The following AOPEP variants were observed in gnomAD, a reference collection of about 807,000 sequenced individuals.
The protein encoded by AOPEP is aminopeptidase O.
AOPEP carries 77 observed loss-of-function variants against 98.1 expected under a neutral mutation model. The ratio of observed to expected loss-of-function variants is 0.78; its 90% CI spans 0.65 to 0.95. AOPEP has a LOEUF of 0.95. Ranked by LOEUF, AOPEP falls within the 40% of genes least tolerant of loss-of-function variation. The pLI is 0.00. For synonymous variants in AOPEP, 346 were observed against 365.3 expected, an observed-to-expected ratio of 0.95 and a Z score of 0.60; for missense variants, 1,024 against 1,024.7, an observed-to-expected ratio of 1.00 and a Z score of 0.01.
chr9:94,912,315 T>G (rs1361821714), intron 5 of AOPEP, among the ~76,000 whole-genome samples: 1 of 152,172 alleles, frequency 6.6e-6, no homozygotes, highest in Non-Finnish European at 1.5e-5. Flanking sequence ...AAAGTGCAAG[T>G]GCCAGCCAGC....
chr9:94,798,674 G>C (rs1039230547), intron 4 of AOPEP, among the ~76,000 whole-genome samples: 6 of 152,082 alleles, frequency 3.9e-5, no homozygotes, highest in African/African-American at 1.4e-4. Flanking sequence ...GTTTCTCTGT[G>C]GTTTAACACG....
intron 5 of AOPEP, among the ~76,000 whole-genome samples, chr9:94,879,144 A>G (rs139853600): frequency 1.2e-3 from 184 of 152,292 alleles, no homozygotes; most frequent in African/African-American, 4.3e-3. Flanking sequence ...GAGGGTTGGA[A>G]TCTTGTAGCC....
At chr9:94,900,039 C>T (rs2050176149) in intron 5 of AOPEP, among the ~76,000 whole-genome samples, 1 of 152,102 alleles carries the variant, frequency 6.6e-6, no homozygotes, top group South Asian at 2.1e-4. Context: ...TTCCTGTGGA[C>T]TTGAATGAGA....
At chr9:94,895,580 C>T (rs1406727744) in intron 5 of AOPEP, among the ~76,000 whole-genome samples, 4 of 151,840 alleles carry the variant, frequency 2.6e-5, no homozygotes, top group Non-Finnish European at 4.4e-5. Context: ...AAGCCAAGTG[C>T]CTGCTTTTTT....
chr9:94,928,212 G>A (rs1297831642), intron 6 of AOPEP, among the ~76,000 whole-genome samples: 4 of 152,044 alleles, frequency 2.6e-5, no homozygotes, highest in East Asian at 1.9e-4. Context: ...AGCAGGCCCA[G>A]CTCCACGGCC....
intron 5 of AOPEP, among the ~76,000 whole-genome samples, chr9:94,868,637 C>A (rs1432332102): frequency 6.6e-6 from 1 of 152,148 alleles, no homozygotes; most frequent in Non-Finnish European, 1.5e-5. Flanking sequence ...CCAAAGATAA[C>A]ATTAACAGGA....
chr9:94,931,246 A>G (rs2055247845), intron 7 of AOPEP, among the ~76,000 whole-genome samples: 1 of 152,138 alleles, frequency 6.6e-6, no homozygotes, highest in African/African-American at 2.4e-5. Flanking sequence ...TGGAGTTGGG[A>G]GAACAATCTA....
chr9:94,896,419 G>T (rs911848816), intron 5 of AOPEP, among the ~76,000 whole-genome samples: 3 of 152,196 alleles, frequency 2.0e-5, no homozygotes. Context: ...TGTGGACTGT[G>T]TATAGTGACT....
At chr9:94,776,427 G>A (rs1375638186) in intron 3 of AOPEP, among the ~76,000 whole-genome samples, 1 of 152,008 alleles carries the variant, frequency 6.6e-6, no homozygotes, top group Non-Finnish European at 1.5e-5. Context: ...TCAGCCTCCC[G>A]AGTAGCTGGG....
chr9:94,982,351 A>G (rs543334716), intron 11 of AOPEP, among the ~76,000 whole-genome samples: 8 of 152,152 alleles, frequency 5.3e-5, no homozygotes, highest in Non-Finnish European at 1.2e-4. Flanking sequence ...AGAAAATGTG[A>G]AACTCCTCGC....
rs143746968 is a variant in AOPEP at position 94,781,350 on chromosome 9, CTT to C, written c.964+8184_964+8185del. Among the ~76,000 whole-genome samples the C allele has an allele frequency of 5.2e-3, 791 of 152,078 alleles. 12 individuals are homozygous for C. Among genetic ancestry groups the C allele is most frequent in the South Asian group, 0.043 (209 of 4,822 alleles). On this transcript the variant is annotated intron_variant, in intron 3 of 16. Coordinates refer to ENST00000375315, the MANE Select transcript of AOPEP (RefSeq NM_001193329.3). The stretch of plus-strand genomic sequence containing the variant: ...TATGCATTTGTGGAATAAATGTGTT[CTT>C]TATAATCAGGCAGAAGTAGTATGTT...
chr9:94,783,396 C>G (rs1843709806), intron 3 of AOPEP, among the ~76,000 whole-genome samples: 1 of 152,196 alleles, frequency 6.6e-6, no homozygotes, highest in African/African-American at 2.4e-5. Context: ...CCTGGTTAGG[C>G]AATGCTGGTG....
At chr9:94,744,795 C>T (rs1007903204) in intron 1 of AOPEP, among the ~76,000 whole-genome samples, 1 of 150,620 alleles carries the variant, frequency 6.6e-6, no homozygotes, top group African/African-American at 2.4e-5. Flanking sequence ...TTGGAAAACA[C>T]TCAGCAAAGT....
At chr9:95,012,548 G>A (rs1296451881) in intron 13 of AOPEP, among the ~76,000 whole-genome samples, 1 of 152,146 alleles carries the variant, frequency 6.6e-6, no homozygotes, top group Non-Finnish European at 1.5e-5. Flanking sequence ...CTGCTGTTTT[G>A]TGCCTGGGTC....
chr9:95,088,442 C>G (rs2134347506), downstream of AOPEP, among the ~76,000 whole-genome samples: 1 of 152,274 alleles, frequency 6.6e-6, no homozygotes, highest in East Asian at 1.9e-4. Context: ...CTCCCGACCT[C>G]ACGTGATCCA....
rs773085314 is a variant in AOPEP, at chr9:95,060,827, T to C, written c.2232+17T>C. On this transcript the variant is annotated intron_variant, in intron 14 of 16. Transcript: ENST00000375315. ...GATGCAGAGGTAACCAGGAACACTC[T>C]CGGAGTTTAACCAGCAGGTCCCCAC... 1 of 1,521,128 alleles carries C rather than the reference T, an allele frequency of 6.6e-7. No individual in the cohort carries two copies. Among genetic ancestry groups the C allele is most frequent in the Non-Finnish European group, 9.1e-7 (1 of 1,095,250 alleles). The allele number at this position is 1,521,128 out of a possible 1,614,324, so 94.2% of individuals were successfully genotyped here.
rs868371147 is a variant in AOPEP, at chr9:95,035,086, G to A, written c.2116-25608G>A. On this transcript the variant is annotated intron_variant, in intron 13 of 16. Transcript: ENST00000375315. ...CTGCACCCATCAACCCATCATTTACGTTAGGTATTTCTCCTAATGCTATCC... is the reference window on the plus strand; with the variant it reads ...CTGCACCCATCAACCCATCATTTACATTAGGTATTTCTCCTAATGCTATCC... Among the ~76,000 whole-genome samples the A allele has an allele frequency of 1.0e-4, 15 of 150,578 alleles. No homozygotes were observed. In the South Asian group the frequency reaches 2.1e-3, roughly 21 times the overall value.
chr9:95,086,315 G>A lies in AOPEP; in HGVS notation c.*5-367G>A, dbSNP rs536838644. 1.1e-5 allele frequency: 11 copies of A among 985,460 alleles called. No individual in the cohort carries two copies. In the South Asian group the frequency reaches 4.2e-4, roughly 38 times the overall value. 61.0% of individuals were successfully genotyped at this position (985,460 alleles called of 1,614,324 possible). On this transcript the variant is annotated intron_variant, in intron 16 of 16. Coordinates refer to ENST00000375315, the MANE Select transcript of AOPEP (RefSeq NM_001193329.3). ...CTCCCAGGCCTGAAGGCAGGACACA[G>A]TGCCAGCAGGGGGCCGTTTGCCCCC... is the stretch of plus-strand genomic sequence containing the variant.
At chr9:95,071,703 GCT>G (rs2068528338) in intron 14 of AOPEP, among the ~76,000 whole-genome samples, 1 of 152,148 alleles carries the variant, frequency 6.6e-6, no homozygotes, top group East Asian at 1.9e-4. Context: ...GAGCTCATCT[GCT>G]CTGTCTCGTG....
Sources: gnomAD v4.1 joint callset for allele counts (sites outside exome capture counted in the v4.1 genomes callset) on GRCh38, gnomAD v4.1.1 for gene constraint, MANE v1.5 for transcripts, NCBI Gene and HGNC (gene_info 2026-07-23, HGNC 2026-07-21) for gene names.